Variants in ESRRB observed in about 807,000 individuals in gnomAD.
The protein encoded by ESRRB is steroid hormone receptor ERR2.
ESRRB carries 16 observed loss-of-function variants against 46.0 expected under a neutral mutation model. The observed-to-expected ratio is 0.35, with a 90% CI of 0.24 to 0.53. The LOEUF (loss-of-function observed/expected upper bound fraction) is 0.53, where lower values mean the gene tolerates loss of function less well. ESRRB is among the 20% of genes least tolerant of loss of function. The pLI, the probability that ESRRB is intolerant of heterozygous loss-of-function variation, is 0.93. For synonymous variants in ESRRB, 246 were observed against 259.6 expected, an observed-to-expected ratio of 0.95 and a Z score of 0.50; for missense variants, 488 against 607.4, an observed-to-expected ratio of 0.80 and a Z score of 2.07.
At chr14:76,405,335 C>T (rs914339859) in intron 1 of ESRRB, among the ~76,000 whole-genome samples, 13 of 152,082 alleles carry the variant, frequency 8.5e-5, no homozygotes, top group African/African-American at 2.9e-4. Flanking sequence ...TGGTCTCAAA[C>T]TCCTGCCCTC....
chr14:76,392,164 G>A (rs994568553), intron 1 of ESRRB, among the ~76,000 whole-genome samples: 2 of 152,220 alleles, frequency 1.3e-5, no homozygotes, highest in Non-Finnish European at 2.9e-5. Flanking sequence ...CCTGGCTGCT[G>A]ATATTTCAAG....
At chr14:76,493,754 G>T (rs1193895926) in intron 6 of ESRRB, among the ~76,000 whole-genome samples, 2 of 152,214 alleles carry the variant, frequency 1.3e-5, no homozygotes, top group African/African-American at 2.4e-5. Flanking sequence ...TGGCTTCATG[G>T]TGCATGCAGG....
intron 2 of ESRRB, among the ~76,000 whole-genome samples, chr14:76,458,461 C>A (rs960188827): frequency 1.3e-5 from 1 of 76,528 alleles, no homozygotes; most frequent in Non-Finnish European, 2.7e-5. Context: ...CACACACACA[C>A]ACACACACAA....
chr14:76,325,365 G>A (rs1383281062), intron 1 of ESRRB, among the ~76,000 whole-genome samples: 1 of 152,204 alleles, frequency 6.6e-6, no homozygotes, highest in East Asian at 1.9e-4. Context: ...GTTAGGGCAG[G>A]AGTGGGGAGA....
intron 3 of ESRRB, among the ~76,000 whole-genome samples, chr14:76,480,543 CA>C (rs1595160804): frequency 6.6e-6 from 1 of 152,216 alleles, no homozygotes; most frequent in East Asian, 1.9e-4. Context: ...AACATCCTAA[CA>C]AAGAAACAGC....
chr14:76,407,451 G>A (rs1167729903), intron 1 of ESRRB: 2 of 790,286 alleles, frequency 2.5e-6, no homozygotes, highest in Non-Finnish European at 3.1e-6. Flanking sequence ...AGAGCCACCA[G>A]GCTAAATCCT....
intron 1 of ESRRB, among the ~76,000 whole-genome samples, chr14:76,335,204 C>T (rs907112262): frequency 6.6e-6 from 1 of 152,214 alleles, no homozygotes; most frequent in Admixed American, 6.5e-5. Flanking sequence ...CTCCATTAGC[C>T]AATCTCCCAG....
rs915886230 is a variant in ESRRB, at chr14:76,452,133, G to T, written c.461-10412G>T. On this transcript the variant is annotated intron_variant, in intron 2 of 6. Transcript: ENST00000644823. ...ATTTTTGTATTTTAAGTAGAAAGGG[G>T]GTTTCACTCTGTTGGCCAGGCTGGT... is the stretch of plus-strand genomic sequence containing the variant. Among the ~76,000 whole-genome samples, 21 of 151,682 alleles carry T rather than the reference G, an allele frequency of 1.4e-4. 1 individual carries two copies. The East Asian group carries it at 4.1e-3, about 30-fold the overall frequency.
intron 1 of ESRRB, among the ~76,000 whole-genome samples, chr14:76,424,297 C>G (rs756996810): frequency 5.3e-5 from 8 of 152,184 alleles, no homozygotes; most frequent in Non-Finnish European, 1.2e-4. Flanking sequence ...TAAGATGCCT[C>G]TTTGTCATCT....
At chr14:76,462,997 T>C (rs1259675095) in intron 3 of ESRRB, among the ~76,000 whole-genome samples, 1 of 152,180 alleles carries the variant, frequency 6.6e-6, no homozygotes, top group Non-Finnish European at 1.5e-5. Flanking sequence ...TTATATCACC[T>C]AGCACCCTCA....
intron 2 of ESRRB, among the ~76,000 whole-genome samples, chr14:76,451,098 T>C (rs1888363741): frequency 6.6e-6 from 1 of 152,136 alleles, no homozygotes; most frequent in Non-Finnish European, 1.5e-5. Flanking sequence ...AGGGACACTT[T>C]CTCAGAAGTG....
At chr14:76,440,862 C>T (rs1436740498) in intron 2 of ESRRB, among the ~76,000 whole-genome samples, 1 of 152,060 alleles carries the variant, frequency 6.6e-6, no homozygotes, top group African/African-American at 2.4e-5. Flanking sequence ...GTGAAACCCC[C>T]GTCTCTACTA....
At chr14:76,370,506 A>G (rs764890235), upstream of ESRRB, among the ~76,000 whole-genome samples, 28 of 152,192 alleles carry the variant, frequency 1.8e-4, no homozygotes, top group Non-Finnish European at 3.7e-4. Flanking sequence ...AAACTCCACA[A>G]TCCACTGTAA....
At chr14:76,399,181 T>C (rs1051391399) in intron 1 of ESRRB, among the ~76,000 whole-genome samples, 1 of 152,120 alleles carries the variant, frequency 6.6e-6, no homozygotes, top group African/African-American at 2.4e-5. Flanking sequence ...GGTGGCTTGC[T>C]GGCCAGCCGT....
intron 1 of ESRRB, among the ~76,000 whole-genome samples, chr14:76,340,406 AAGAGCC>A (rs1343523896): frequency 6.6e-6 from 1 of 152,188 alleles, no homozygotes. Context: ...GCATTGTTGA[AAGAGCC>A]AGGAAGACCT....
chr14:76,332,572 T>A (rs370590332), intron 1 of ESRRB, among the ~76,000 whole-genome samples: 1 of 29,144 alleles, frequency 3.4e-5, no homozygotes, highest in African/African-American at 1.0e-4. Context: ...TTTATATATT[T>A]ATATATTATA....
upstream of ESRRB, among the ~76,000 whole-genome samples, chr14:76,369,144 C>T (rs1260883207): frequency 6.7e-6 from 1 of 148,944 alleles, no homozygotes; most frequent in Non-Finnish European, 1.5e-5. Context: ...TTGCAGTGAG[C>T]TGAGATGGTG....
Position 76,501,090 on chromosome 14 carries a change from A to G in ESRRB, c.*2632A>G, listed in dbSNP as rs1595181542. 6.7e-6 allele frequency: 2 copies of G among 299,034 alleles called. No homozygotes were observed. The highest frequency in any genetic ancestry group is 1.4e-4 in the East Asian group (2 of 14,506). 18.5% of individuals were successfully genotyped at this position (299,034 alleles called of 1,614,324 possible). On this transcript the variant is annotated 3_prime_UTR_variant, in exon 7 of 7. Coordinates refer to ENST00000644823, the MANE Select transcript of ESRRB (RefSeq NM_001379180.1). ...GGTGAAGTGAGGAGAGTTTAGGGGA[A>G]CCTTCCCCCAGTGGAACAGATCTCA...
At chr14:76,481,538 G>T (rs984803567) in intron 3 of ESRRB, among the ~76,000 whole-genome samples, 1 of 152,188 alleles carries the variant, frequency 6.6e-6, no homozygotes, top group Non-Finnish European at 1.5e-5. Context: ...TCAGAGAGTG[G>T]GGTCTAGAAA....
Sources: allele counts gnomAD v4.1 joint callset (sites outside exome capture counted in the v4.1 genomes callset), GRCh38; gene constraint gnomAD v4.1.1; transcripts MANE v1.5; gene names NCBI Gene and HGNC (gene_info 2026-07-23, HGNC 2026-07-21).